ME1: variants seen among roughly 807,000 people sequenced by gnomAD.
ME1 encodes the protein NADP-dependent malic enzyme.
In ME1, 74 loss-of-function variants were observed where a neutral mutation model predicts 66.4. The observed-to-expected ratio is 1.11, with a 90% CI of 0.92 to 1.35. ME1 has a LOEUF of 1.35. Ranked by LOEUF, ME1 falls within the 40% of genes most tolerant of loss-of-function variation. The pLI is 0.00. For synonymous variants in ME1, 251 were observed against 235.6 expected, an observed-to-expected ratio of 1.07 and a Z score of -0.60; for missense variants, 750 against 694.1, an observed-to-expected ratio of 1.08 and a Z score of -0.90.
chr6:83,423,714 G>T (rs989021617), intron 1 of ME1, among the ~76,000 whole-genome samples: 1 of 152,064 alleles, frequency 6.6e-6, no homozygotes, highest in African/African-American at 2.4e-5. Context: ...TGGGAGGATT[G>T]CTTGAGCCTT....
At chr6:83,372,785 G>A (rs921386844) in intron 3 of ME1, among the ~76,000 whole-genome samples, 1 of 152,196 alleles carries the variant, frequency 6.6e-6, no homozygotes, top group African/African-American at 2.4e-5. Flanking sequence ...TGGCTTCACT[G>A]TTGAGGGAGA....
chr6:83,428,611 TA>T (rs747315354), intron 1 of ME1, among the ~76,000 whole-genome samples: 108 of 152,262 alleles, frequency 7.1e-4, no homozygotes, highest in South Asian at 1.7e-3. Context: ...CCTGAGCTAC[TA>T]GCAAAATTAA....
intron 3 of ME1, chr6:83,393,472 G>T: frequency 2.0e-6 from 1 of 505,876 alleles, no homozygotes; most frequent in Non-Finnish European, 3.6e-6. Context: ...CACTGCTGGA[G>T]AGTCCCTGCC....
At chr6:83,251,100 T>C (rs558589102) in intron 7 of ME1, among the ~76,000 whole-genome samples, 10 of 152,362 alleles carry the variant, frequency 6.6e-5, no homozygotes, top group African/African-American at 2.4e-4. Context: ...CTTGGGGCTA[T>C]GTTAATGACA....
intron 3 of ME1, among the ~76,000 whole-genome samples, chr6:83,397,962 C>G (rs974074867): frequency 1.3e-5 from 2 of 152,006 alleles, no homozygotes; most frequent in African/African-American, 4.8e-5. Flanking sequence ...CGGTAGTTAC[C>G]AGAGGATAGG....
chr6:83,227,470 A>C lies in ME1; in HGVS notation c.1140T>G (p.Ala380=), dbSNP rs754222949. ...GTTCTGAGAATGCACCACCAATTGC[A>C]GCAACTCCTAATGAAGAAATATGAA... is the stretch of plus-strand genomic sequence containing the variant. ...EIKPTALIGV[A]AIGGAFSEQI... The change falls in exon 11 of 14, where the codon GCT becomes GCG. Residue 380 remains alanine (A), a synonymous_variant. Coordinates refer to ENST00000369705, the MANE Select transcript of ME1 (RefSeq NM_002395.6). 6.3e-7 allele frequency: 1 copy of C among 1,597,282 alleles called. No homozygotes were observed. Among genetic ancestry groups the C allele is most frequent in the Non-Finnish European group, 8.5e-7 (1 of 1,169,928 alleles).
intron 6 of ME1, among the ~76,000 whole-genome samples, chr6:83,282,466 A>C (rs1767317119): frequency 6.6e-6 from 1 of 152,258 alleles, no homozygotes; most frequent in Non-Finnish European, 1.5e-5. Context: ...ATGAACAGAC[A>C]CTTCTCAAAA....
At chr6:83,303,948 C>T (rs564334198) in intron 6 of ME1, among the ~76,000 whole-genome samples, 113 of 152,172 alleles carry the variant, frequency 7.4e-4, no homozygotes, top group Non-Finnish European at 1.4e-3. Flanking sequence ...CTATTAAATG[C>T]TCTATTTAAT....
At chr6:83,368,114 A>T (rs1769133488) in intron 3 of ME1, among the ~76,000 whole-genome samples, 1 of 152,100 alleles carries the variant, frequency 6.6e-6, no homozygotes, top group Admixed American at 6.6e-5. Context: ...GTTGGAAAAC[A>T]CATATTTATG....
intron 1 of ME1, among the ~76,000 whole-genome samples, chr6:83,424,346 T>C (rs1770329036): frequency 6.6e-6 from 1 of 151,890 alleles, no homozygotes; most frequent in Admixed American, 6.6e-5. Flanking sequence ...AAACAAGCTA[T>C]ACAAAGAAAT....
intron 12 of ME1, among the ~76,000 whole-genome samples, chr6:83,216,898 G>A (rs937206943): frequency 1.3e-5 from 2 of 152,046 alleles, no homozygotes; most frequent in African/African-American, 4.8e-5. Context: ...TACATTAGGG[G>A]AACAAGGGAA....
intron 7 of ME1, among the ~76,000 whole-genome samples, chr6:83,252,687 A>G (rs966848189): frequency 1.3e-5 from 2 of 152,206 alleles, no homozygotes; most frequent in African/African-American, 2.4e-5. Flanking sequence ...ACCTGAGTAT[A>G]TACCTAAGAA....
chr6:83,300,028 T>A (rs1767685094), intron 6 of ME1, among the ~76,000 whole-genome samples: 1 of 152,164 alleles, frequency 6.6e-6, no homozygotes, highest in Non-Finnish European at 1.5e-5. Context: ...GATTTTCGCA[T>A]CAATGTTCAT....
chr6:83,366,227 A>G (rs1769098507), intron 3 of ME1, among the ~76,000 whole-genome samples: 2 of 152,174 alleles, frequency 1.3e-5, no homozygotes, highest in Admixed American at 1.3e-4. Context: ...CATCTGTCCA[A>G]TACCTCCAGC....
chr6:83,286,262 T>C (rs776046349), intron 6 of ME1, among the ~76,000 whole-genome samples: 38 of 152,172 alleles, frequency 2.5e-4, no homozygotes, highest in Non-Finnish European at 4.7e-4. Context: ...CATAGTTGTT[T>C]TGAGAATAAA....
At chr6:83,291,513 T>C (rs928785368) in intron 6 of ME1, among the ~76,000 whole-genome samples, 6 of 152,332 alleles carry the variant, frequency 3.9e-5, no homozygotes, top group African/African-American at 1.4e-4. Flanking sequence ...TGGCTTCCCT[T>C]TGTGGGTAAC....
At chr6:83,427,191 T>C (rs1770389707) in intron 1 of ME1, among the ~76,000 whole-genome samples, 1 of 152,320 alleles carries the variant, frequency 6.6e-6, no homozygotes, top group South Asian at 2.1e-4. Flanking sequence ...CTCATAAACA[T>C]GAGGCAGATT....
At chr6:83,251,356 G>A (rs1040037857) in intron 7 of ME1, among the ~76,000 whole-genome samples, 3 of 151,830 alleles carry the variant, frequency 2.0e-5, no homozygotes, top group Admixed American at 1.3e-4. Flanking sequence ...TTAGCCGGGC[G>A]CAGTGGCACG....
chr6:83,427,003 AAAT>A (rs1434544043), intron 1 of ME1, among the ~76,000 whole-genome samples: 1 of 152,328 alleles, frequency 6.6e-6, no homozygotes, highest in Admixed American at 6.5e-5. Context: ...GCAATTTATG[AAAT>A]ATTATTAGTC....
Sources: gnomAD v4.1 joint callset for allele counts (sites outside exome capture counted in the v4.1 genomes callset) on GRCh38, gnomAD v4.1.1 for gene constraint, MANE v1.5 for transcripts, NCBI Gene and HGNC (gene_info 2026-07-23, HGNC 2026-07-21) for gene names.